CTIF: variants seen among roughly 807,000 people sequenced by gnomAD.
CTIF encodes CBP80/20-dependent translation initiation factor.
A neutral mutation model predicts 66.0 loss-of-function variants in CTIF; 21 were observed. That is an observed-to-expected ratio of 0.32 (90% CI 0.23 to 0.46). The LOEUF (loss-of-function observed/expected upper bound fraction) is 0.46. Among genes scored for constraint, CTIF ranks in the 20% least tolerant of loss-of-function variants. CTIF has a pLI of 1.00. For synonymous variants in CTIF, 345 were observed against 326.4 expected, an observed-to-expected ratio of 1.06 and a Z score of -0.62; for missense variants, 739 against 812.7, an observed-to-expected ratio of 0.91 and a Z score of 1.10.
chr18:48,707,217 C>T (rs2092167922), intron 6 of CTIF, among the ~76,000 whole-genome samples: 1 of 152,254 alleles, frequency 6.6e-6, no homozygotes, highest in South Asian at 2.1e-4. Context: ...GCAAAGTCCA[C>T]TGTATGTGCT....
chr18:48,576,312 G>A (rs1465297166), intron 1 of CTIF, among the ~76,000 whole-genome samples: 1 of 152,248 alleles, frequency 6.6e-6, no homozygotes, highest in African/African-American at 2.4e-5. Flanking sequence ...CCTGTCCTCT[G>A]GCCTGGCCAT....
chr18:48,546,976 A>C (rs2088766837), intron 1 of CTIF, among the ~76,000 whole-genome samples: 1 of 152,186 alleles, frequency 6.6e-6, no homozygotes, highest in Non-Finnish European at 1.5e-5. Context: ...CTTGGGGGCC[A>C]GTGTCTTCCT....
intron 1 of CTIF, among the ~76,000 whole-genome samples, chr18:48,604,751 G>A (rs2090172541): frequency 6.6e-6 from 1 of 152,090 alleles, no homozygotes; most frequent in African/African-American, 2.4e-5. Context: ...ACCTCTAAAA[G>A]AAACCCTTTA....
chr18:48,547,220 C>T (rs2088773253), intron 1 of CTIF, among the ~76,000 whole-genome samples: 2 of 152,200 alleles, frequency 1.3e-5, no homozygotes, highest in African/African-American at 4.8e-5. Flanking sequence ...ACAGTTCCAT[C>T]CAAGCCTTCA....
chr18:48,672,754 T>G (rs1004807450), intron 6 of CTIF, among the ~76,000 whole-genome samples: 4 of 152,158 alleles, frequency 2.6e-5, no homozygotes, highest in Admixed American at 6.5e-5. Context: ...CTACCAGCTG[T>G]GTCCCCAGCA....
Position 48,761,771 on chromosome 18 carries a change from G to T in CTIF, c.1371+82G>T. On this transcript the variant is annotated intron_variant, in intron 9 of 11. Coordinates refer to ENST00000256413, the MANE Select transcript of CTIF (RefSeq NM_014772.3). The surrounding 1 kb of genome is among the most constrained non-coding windows in gnomAD (Gnocchi z 4.2). ...GTTATTCCTAGCGAGAAGGCTGCGA[G>T]TTCTGGCCACAGTTGGACTTTTCCC... is the stretch of plus-strand genomic sequence containing the variant. 1 of 1,374,868 alleles carries T rather than the reference G, an allele frequency of 7.3e-7. No homozygotes were observed. 85.2% of individuals were successfully genotyped at this position (1,374,868 alleles called of 1,614,324 possible). A position where few individuals can be genotyped will look rare whatever the true frequency, so the allele number is the denominator to read the frequency against.
Position 48,761,654 on chromosome 18 carries a change from A to T in CTIF, c.1336A>T (p.Thr446Ser). 1.9e-6 allele frequency: 3 copies of T among 1,612,876 alleles called. No individual in the cohort carries two copies. The highest frequency in any genetic ancestry group is 2.5e-6 in the Non-Finnish European group (3 of 1,179,000). ...GATGGCGCTCTTTATGGTGGAGGGG[A>T]CCAAGTTCCGGAGCCTGCTCCTCAA... ...DKMALFMVEG[T>S]KFRSLLLNML... The change falls in exon 9 of 12, where the codon ACC becomes TCC. Residue 446 changes from threonine to serine, a missense_variant. Thr to Ser is a moderately conservative substitution (Grantham distance 58, BLOSUM62 1). Coordinates refer to ENST00000256413, the MANE Select transcript of CTIF (RefSeq NM_014772.3). This position sits in a 1 kb window ranked among gnomAD's most constrained non-coding sequence, Gnocchi z 4.2.
At chr18:48,838,921 C>T (rs533980290) in intron 10 of CTIF, among the ~76,000 whole-genome samples, 112 of 152,184 alleles carry the variant, frequency 7.4e-4, no homozygotes, top group South Asian at 1.2e-3. Flanking sequence ...GCCCACCAGC[C>T]CCTCAATCTC....
chr18:48,685,383 C>T (rs368967436), intron 6 of CTIF, among the ~76,000 whole-genome samples: 52 of 151,440 alleles, frequency 3.4e-4, no homozygotes, highest in Non-Finnish European at 4.1e-4. Context: ...CCACCACGCC[C>T]GGCTAATTTT....
At chr18:48,733,131 G>A (rs1463021361) in intron 7 of CTIF, among the ~76,000 whole-genome samples, 1 of 152,160 alleles carries the variant, frequency 6.6e-6, no homozygotes, top group African/African-American at 2.4e-5. Flanking sequence ...CCCTTCCAAA[G>A]CGTAGCTGCC....
intron 3 of CTIF, among the ~76,000 whole-genome samples, chr18:48,652,668 A>C (rs1196176986): frequency 1.3e-5 from 2 of 152,190 alleles, no homozygotes; most frequent in African/African-American, 2.4e-5. Context: ...CCCGGCAGAG[A>C]CACGACAAAA....
chr18:48,728,739 T>TGAGAGAGAGAGGGGGAGAGGGAGAGA (rs1555680978), intron 7 of CTIF, among the ~76,000 whole-genome samples: 1 of 139,126 alleles, frequency 7.2e-6, no homozygotes, highest in African/African-American at 2.6e-5. Flanking sequence ...AGGGGGAGAG[T>TGAGAGAGAGAGGGGGAGAGGGAGAGA]GAGAGAGAGA....
intron 1 of CTIF, among the ~76,000 whole-genome samples, chr18:48,549,888 TCAC>T (rs1230088500): frequency 6.6e-6 from 1 of 152,212 alleles, no homozygotes; most frequent in African/African-American, 2.4e-5. Flanking sequence ...AACATTTACT[TCAC>T]CAAGTTTCAA....
At chr18:48,711,371 T>C (rs1320115427) in intron 6 of CTIF, among the ~76,000 whole-genome samples, 1 of 152,232 alleles carries the variant, frequency 6.6e-6, no homozygotes, top group Admixed American at 6.5e-5. Context: ...TTGGACATAA[T>C]GGATTCTAAG....
intron 6 of CTIF, among the ~76,000 whole-genome samples, chr18:48,694,984 C>T (rs894406603): frequency 6.6e-6 from 1 of 152,230 alleles, no homozygotes; most frequent in African/African-American, 2.4e-5. Context: ...AGACCTTATC[C>T]TTTGTCATTT....
At chr18:48,697,583 G>C (rs1196473027) in intron 6 of CTIF, among the ~76,000 whole-genome samples, 1 of 152,198 alleles carries the variant, frequency 6.6e-6, no homozygotes, top group Non-Finnish European at 1.5e-5. Flanking sequence ...AGGCCCAGAT[G>C]GTCCTTAAAG....
chr18:48,634,222 T>C (rs1205241465), intron 2 of CTIF, among the ~76,000 whole-genome samples: 1 of 152,218 alleles, frequency 6.6e-6, no homozygotes, highest in Non-Finnish European at 1.5e-5. Flanking sequence ...CCAGAAGTGA[T>C]GTGCCCGTCT....
intron 7 of CTIF, among the ~76,000 whole-genome samples, chr18:48,713,651 G>C (rs2092251362): frequency 6.6e-6 from 1 of 152,096 alleles, no homozygotes; most frequent in Admixed American, 6.5e-5. Flanking sequence ...TGTGAGGAGT[G>C]CTGGAGGGCT....
rs563154471 is a variant in CTIF at position 48,632,911 on chromosome 18, T to C, written c.181-3703T>C. 3.9e-5 allele frequency among the ~76,000 whole-genome samples: 6 copies of C among 152,200 alleles called. No homozygotes were observed. In the South Asian group the frequency reaches 1.3e-3, roughly 32 times the overall value. On this transcript the variant is annotated intron_variant, in intron 2 of 11. Transcript: ENST00000256413. ...GGAAGTGACTTTTGGTTGGCAAATG[T>C]ACAGTTATGGATGGCCTTGGACAAG...
Sources: allele counts gnomAD v4.1 joint callset (sites outside exome capture counted in the v4.1 genomes callset), GRCh38; gene constraint gnomAD v4.1.1; non-coding constraint Gnocchi (gnomAD v3.1); transcripts MANE v1.5; gene names NCBI Gene and HGNC (gene_info 2026-07-23, HGNC 2026-07-21).